The following PCDHA1 variants were observed in gnomAD, a reference collection of about 807,000 sequenced individuals.
PCDHA1 encodes the protein protocadherin alpha-1.
PCDHA1 carries 42 observed loss-of-function variants against 61.3 expected under a neutral mutation model. The observed-to-expected ratio is 0.69, with a 90% CI of 0.54 to 0.89. The LOEUF is 0.89. Ranked by LOEUF, PCDHA1 falls within the 40% of genes least tolerant of loss-of-function variation. The pLI is 0.00. For missense variants in PCDHA1, 1,256 were observed against 1,235.3 expected (o/e 1.02, Z -0.25); for synonymous variants, 610 against 553.8 (o/e 1.10, Z -1.43).
Position 140,857,204 on chromosome 5 carries a change from T to C in PCDHA1, c.2394+68520T>C, listed in dbSNP as rs202111737. On this transcript the variant is annotated intron_variant, in intron 1 of 3. Coordinates refer to ENST00000504120, the MANE Select transcript of PCDHA1 (RefSeq NM_018900.4). ...TTCAGGAGCCAACGGACAGGTCACC[T>C]GCTCTCTGACGCCTCACGTTCCGTT... 221 of 1,598,644 alleles carry C rather than the reference T, an allele frequency of 1.4e-4. 20 individuals are homozygous for C. The highest frequency in any genetic ancestry group is 2.4e-4 in the Admixed American group (14 of 59,320).
Position 140,788,299 on chromosome 5 carries a change from T to A in PCDHA1, c.2009T>A (p.Val670Glu). ...ACGGCCACTGTGCTTGTATCTCTGG[T>A]GGAGAGCGGCCAGGCGCCAAAGGCG... The part of the protein sequence containing the change: ...TATATVLVSL[V>E]ESGQAPKASS... The change falls in exon 1 of 4, where the codon GTG becomes GAG. Residue 670 changes from valine (V) to glutamate (E), a missense_variant. Transcript: ENST00000504120. The A allele has an allele frequency of 1.9e-6, 3 of 1,613,936 alleles. No homozygotes were observed. Among genetic ancestry groups the A allele is most frequent in the Non-Finnish European group, 2.5e-6 (3 of 1,179,922 alleles).
chr5:140,967,053 G>A (rs1563359791), intron 1 of PCDHA1: 4 of 1,612,648 alleles, frequency 2.5e-6, no homozygotes, highest in Non-Finnish European at 3.4e-6. Flanking sequence ...GACCTGACGA[G>A]TGGAGCGCTC....
At chr5:140,995,936 T>C (rs1554254905) in intron 3 of PCDHA1, among the ~76,000 whole-genome samples, 1 of 152,220 alleles carries the variant, frequency 6.6e-6, no homozygotes, top group Non-Finnish European at 1.5e-5. Context: ...AAGTATTAAA[T>C]GACATAATGC....
chr5:140,884,486 G>T, intron 1 of PCDHA1: 1 of 1,614,030 alleles, frequency 6.2e-7, no homozygotes, highest in Non-Finnish European at 8.5e-7. Flanking sequence ...GCCCACTCTA[G>T]TGTGCTCCAG....
chr5:140,807,373 C>T (rs781951265), intron 1 of PCDHA1: 3 of 1,607,262 alleles, frequency 1.9e-6, no homozygotes, highest in Non-Finnish European at 2.5e-6. Context: ...TGGTGCCGCG[C>T]CTGTTCCGGG....
At chr5:140,841,052 T>A (rs114871325) in intron 1 of PCDHA1, 33 of 431,510 alleles carry the variant, frequency 7.6e-5, no homozygotes, top group Middle Eastern at 1.2e-3. Context: ...GGATTTACTA[T>A]TAAATTATGA....
chr5:140,851,102 G>C, intron 1 of PCDHA1: 1 of 1,288,626 alleles, frequency 7.8e-7, no homozygotes, highest in African/African-American at 1.5e-5. Context: ...ATATTTTTTG[G>C]GTGCTGAATC....
At chr5:140,803,198 G>T in intron 1 of PCDHA1, 1 of 1,613,910 alleles carries the variant, frequency 6.2e-7, no homozygotes, top group Non-Finnish European at 8.5e-7. Flanking sequence ...CTGTGCTGGT[G>T]TCGCTGGTGG....
At chr5:141,006,993 T>A (rs1484865636) in intron 3 of PCDHA1, among the ~76,000 whole-genome samples, 5 of 152,290 alleles carry the variant, frequency 3.3e-5, no homozygotes, top group African/African-American at 4.8e-5. Flanking sequence ...GCTTAAAATA[T>A]AAGTCTGCAT....
chr5:140,865,536 A>G (rs2048910301), intron 1 of PCDHA1: 1 of 152,222 alleles, frequency 6.6e-6, no homozygotes, highest in African/African-American at 2.4e-5. Flanking sequence ...CTTCATCCAT[A>G]GCTATAGGAC....
chr5:140,890,515 T>C (rs996565867), intron 1 of PCDHA1, among the ~76,000 whole-genome samples: 2 of 152,198 alleles, frequency 1.3e-5, no homozygotes, highest in African/African-American at 4.8e-5. Context: ...CTCTATTTCC[T>C]TCCTTTGTTG....
At chr5:140,897,648 T>C (rs556362001) in intron 1 of PCDHA1, among the ~76,000 whole-genome samples, 1 of 152,302 alleles carries the variant, frequency 6.6e-6, no homozygotes, top group African/African-American at 2.4e-5. Flanking sequence ...ACAATAAACA[T>C]ACGTGTGCAT....
intron 1 of PCDHA1, among the ~76,000 whole-genome samples, chr5:140,947,975 A>G (rs572156919): frequency 5.8e-4 from 87 of 150,726 alleles, no homozygotes; most frequent in African/African-American, 1.9e-3. Context: ...TGTGCTACTC[A>G]TAGGTTTTTC....
chr5:140,879,948 C>T (rs1025902128), intron 1 of PCDHA1, among the ~76,000 whole-genome samples: 1 of 152,168 alleles, frequency 6.6e-6, no homozygotes, highest in Non-Finnish European at 1.5e-5. Context: ...ATTTAGGGCC[C>T]ATCTGGATAA....
At position 140,807,069 on chromosome 5, in the gene PCDHA1, T is replaced by C. The variant is rs546905593; in HGVS notation, c.2394+18385T>C. The stretch of plus-strand genomic sequence containing the variant: ...CTTCTATTCTTACTGGAAGGAACCA[T>C]ATACACTCTTTGGAGTCTGAAATAT... On this transcript the variant is annotated intron_variant, in intron 1 of 3. Coordinates refer to ENST00000504120, the MANE Select transcript of PCDHA1 (RefSeq NM_018900.4). The C allele has an allele frequency of 8.6e-6, 10 of 1,166,188 alleles. No homozygotes were observed. The South Asian group carries it at 1.3e-4, about 16-fold the overall frequency. The allele number at this position is 1,166,188 out of a possible 1,614,324, so 72.2% of individuals were successfully genotyped here. A position where few individuals can be genotyped will look rare whatever the true frequency, so the allele number is the denominator to read the frequency against.
At chr5:140,871,596 C>A in intron 1 of PCDHA1, 1 of 1,453,960 alleles carries the variant, frequency 6.9e-7, no homozygotes. Context: ...TATGAATAAC[C>A]AGTGTTTTGA....
At chr5:140,870,483 C>G (rs782740203) in intron 1 of PCDHA1, 10 of 1,614,240 alleles carry the variant, frequency 6.2e-6, no homozygotes, top group Middle Eastern at 1.6e-4. Context: ...CCGAGTACAC[C>G]GTGTTCGTGA....
intron 1 of PCDHA1, chr5:140,884,355 T>A (rs1562803326): frequency 1.9e-6 from 3 of 1,613,922 alleles, no homozygotes; most frequent in East Asian, 2.2e-5. Context: ...CTGGTGGATG[T>A]CAATGTTTAC....
At chr5:140,841,887 A>G (rs2150324801) in intron 1 of PCDHA1, 3 of 1,613,824 alleles carry the variant, frequency 1.9e-6, no homozygotes, top group Non-Finnish European at 2.5e-6. Context: ...AACGATGAGA[A>G]TAAACTGGTT....
Sources: allele counts gnomAD v4.1 joint callset (sites outside exome capture counted in the v4.1 genomes callset), GRCh38; gene constraint gnomAD v4.1.1; transcripts MANE v1.5; gene names NCBI Gene and HGNC (gene_info 2026-07-23, HGNC 2026-07-21).